Variants in ZFAND3 observed in about 807,000 individuals in gnomAD.
ZFAND3 encodes the protein zinc finger AN1-type containing 3, also known as AN1-type zinc finger protein 3.
A neutral mutation model predicts 29.6 loss-of-function variants in ZFAND3; 10 were observed. The ratio of observed to expected loss-of-function variants is 0.34; its 90% CI spans 0.21 to 0.57. The LOEUF (loss-of-function observed/expected upper bound fraction) is 0.57. Ranked by LOEUF, ZFAND3 falls within the 20% of genes least tolerant of loss-of-function variation. The probability of loss-of-function intolerance (pLI) is 0.86; values close to 1 mark genes in which losing one functional copy is unlikely to be tolerated. For missense variants in ZFAND3, 230 were observed against 304.5 expected, an observed-to-expected ratio of 0.76 and a Z score of 1.82; for synonymous variants, 128 against 112.6, an observed-to-expected ratio of 1.14 and a Z score of -0.87.
intron 4 of ZFAND3, among the ~76,000 whole-genome samples, chr6:38,112,701 T>G (rs757331526): frequency 2.0e-5 from 3 of 152,200 alleles, no homozygotes; most frequent in Admixed American, 6.5e-5. Context: ...CTAATTGACA[T>G]AAAACTTACA....
chr6:38,050,999 A>G (rs745444920), intron 2 of ZFAND3, among the ~76,000 whole-genome samples: 1 of 152,142 alleles, frequency 6.6e-6, no homozygotes, highest in Non-Finnish European at 1.5e-5. Context: ...AGAACTGAGT[A>G]GAAATACTCA....
rs1766272818 is a variant in ZFAND3, at chr6:38,153,241, C to T, written c.*852C>T. 2 of 985,372 alleles carry T rather than the reference C, an allele frequency of 2.0e-6. No individual in the cohort carries two copies. The highest frequency in any genetic ancestry group is 9.4e-5 in the South Asian group (2 of 21,296). 61.0% of individuals were successfully genotyped at this position (985,372 alleles called of 1,614,324 possible). A position where few individuals can be genotyped will look rare whatever the true frequency, so the allele number is the denominator to read the frequency against. On this transcript the variant is annotated 3_prime_UTR_variant, in exon 6 of 6. Transcript: ENST00000287218. ...GGTGGCTGGGTCTGCACACTGGCCT[C>T]TGCAGCCAGATTTCTATATTGGGAG... is the stretch of plus-strand genomic sequence containing the variant.
At chr6:38,002,287 T>TTC (rs1762962773) in intron 2 of ZFAND3, among the ~76,000 whole-genome samples, 1 of 146,678 alleles carries the variant, frequency 6.8e-6, no homozygotes, top group South Asian at 2.1e-4. Context: ...TTTCTTTTCT[T>TTC]TTTTTTTTTT....
At chr6:37,906,047 TAC>T (rs780625327) in intron 1 of ZFAND3, among the ~76,000 whole-genome samples, 3 of 152,162 alleles carry the variant, frequency 2.0e-5, no homozygotes, top group East Asian at 1.9e-4. Context: ...GTATAATACT[TAC>T]ACAATACACC....
At chr6:37,953,707 C>T (rs1762039635) in intron 2 of ZFAND3, among the ~76,000 whole-genome samples, 2 of 151,982 alleles carry the variant, frequency 1.3e-5, no homozygotes, top group African/African-American at 4.8e-5. Flanking sequence ...CTTCCTTGAC[C>T]CCACAATGTC....
At position 38,005,837 on chromosome 6, in the gene ZFAND3, A is replaced by G. The variant is rs16890309; in HGVS notation, c.113-55756A>G. Among the ~76,000 whole-genome samples the G allele has an allele frequency of 0.016, 2,419 of 152,326 alleles. 251 individuals are homozygous for G. The East Asian group carries it at 0.28, about 18-fold the overall frequency. On this transcript the variant is annotated intron_variant, in intron 2 of 5. Transcript: ENST00000287218. Reference sequence around the variant, plus strand: ...GTTGACCACTTGAGTGTTGTTATCAATGTACACTAAACTAGATGTACAGTT... The same window carrying G: ...GTTGACCACTTGAGTGTTGTTATCAGTGTACACTAAACTAGATGTACAGTT...
intron 1 of ZFAND3, among the ~76,000 whole-genome samples, chr6:37,829,637 T>C (rs1393819636): frequency 2.0e-5 from 3 of 152,250 alleles, no homozygotes; most frequent in African/African-American, 7.2e-5. Context: ...TTTATTGATT[T>C]GGGAGGACAT....
At chr6:38,007,291 A>G (rs1321475340) in intron 2 of ZFAND3, among the ~76,000 whole-genome samples, 2 of 152,072 alleles carry the variant, frequency 1.3e-5, no homozygotes, top group Non-Finnish European at 2.9e-5. Context: ...GAGGCTGAGG[A>G]TTACATGCCT....
intron 2 of ZFAND3, among the ~76,000 whole-genome samples, 177 bp from the exon 3 acceptor site, chr6:38,061,416 C>T (rs899975436): frequency 3.9e-5 from 6 of 152,158 alleles, no homozygotes; most frequent in Admixed American, 1.3e-4. Context: ...AACTCTAGTA[C>T]CTTCCACTAA....
chr6:38,099,827 C>G lies in ZFAND3; in HGVS notation c.362-16745C>G, dbSNP rs942210919. Among the ~76,000 whole-genome samples, 4 of 152,164 alleles carry G rather than the reference C, an allele frequency of 2.6e-5. 1 individual carries two copies. The highest frequency in any genetic ancestry group is 7.2e-5 in the African/African-American group (3 of 41,440). On this transcript the variant is annotated intron_variant, in intron 4 of 5. Coordinates refer to ENST00000287218, the MANE Select transcript of ZFAND3 (RefSeq NM_021943.3). ...TTTTTCTAGAGGAAGTCAAACAACT[C>G]TCTTCAAAGATAGTGTTATTACATT... is the stretch of plus-strand genomic sequence containing the variant.
rs1042828579 is a variant in ZFAND3, at chr6:37,978,458, A to G, written c.112+48459A>G. Among the ~76,000 whole-genome samples the G allele has an allele frequency of 3.9e-5, 6 of 152,184 alleles. No homozygotes were observed. The East Asian group carries it at 9.6e-4, about 24-fold the overall frequency. On this transcript the variant is annotated intron_variant, in intron 2 of 5. Coordinates refer to ENST00000287218, the MANE Select transcript of ZFAND3 (RefSeq NM_021943.3). Reference sequence around the variant, plus strand: ...TCTGAACTCATAGAATGAGTTGGAAAGTATTCCCTTCCTCTTTAATTTTCT... The same window carrying G: ...TCTGAACTCATAGAATGAGTTGGAAGGTATTCCCTTCCTCTTTAATTTTCT...
intron 2 of ZFAND3, among the ~76,000 whole-genome samples, chr6:37,980,250 G>C (rs1762557235): frequency 6.6e-6 from 1 of 151,690 alleles, no homozygotes; most frequent in Admixed American, 6.6e-5. Context: ...GGCAGGAAGA[G>C]AAATCCAGTC....
intron 4 of ZFAND3, among the ~76,000 whole-genome samples, chr6:38,092,220 G>A (rs1291577728): frequency 1.3e-5 from 2 of 152,176 alleles, no homozygotes; most frequent in East Asian, 3.8e-4. Context: ...TTGCTTATGT[G>A]GATTATAGCA....
At chr6:38,144,231 A>ATTTTTTTTTTT (rs67159019) in intron 5 of ZFAND3, among the ~76,000 whole-genome samples, 2 of 75,282 alleles carry the variant, frequency 2.7e-5, no homozygotes, top group East Asian at 4.2e-4. Flanking sequence ...ATATATATAT[A>ATTTTTTTTTTT]TTTTTTTTTT....
At chr6:38,010,323 C>T (rs937269962) in intron 2 of ZFAND3, among the ~76,000 whole-genome samples, 6 of 152,164 alleles carry the variant, frequency 3.9e-5, no homozygotes, top group Admixed American at 3.9e-4. Context: ...ACCATATAGA[C>T]AGTGGCCTCA....
intron 5 of ZFAND3, among the ~76,000 whole-genome samples, chr6:38,139,813 C>T (rs554441866): frequency 6.6e-6 from 1 of 151,954 alleles, no homozygotes; most frequent in African/African-American, 2.4e-5. Flanking sequence ...TAGGTGGTGG[C>T]TTATGACGCT....
intron 1 of ZFAND3, among the ~76,000 whole-genome samples, chr6:37,874,004 G>A (rs761288301): frequency 1.2e-4 from 19 of 152,268 alleles, no homozygotes; most frequent in Non-Finnish European, 2.5e-4. Context: ...GTAACAAAGT[G>A]TTGCAAACTA....
At chr6:37,921,311 G>T (rs1166597602) in intron 1 of ZFAND3, among the ~76,000 whole-genome samples, 1 of 151,988 alleles carries the variant, frequency 6.6e-6, no homozygotes, top group African/African-American at 2.4e-5. Context: ...TACATGTCTA[G>T]TGTAGAGAAG....
intron 3 of ZFAND3, among the ~76,000 whole-genome samples, chr6:38,073,473 A>T (rs1764495512): frequency 6.6e-6 from 1 of 152,210 alleles, no homozygotes; most frequent in Non-Finnish European, 1.5e-5. Context: ...TAAGCCTGTA[A>T]ATAGTCAAAA....
Sources: allele counts gnomAD v4.1 joint callset (sites outside exome capture counted in the v4.1 genomes callset), GRCh38; gene constraint gnomAD v4.1.1; transcripts MANE v1.5; gene names NCBI Gene and HGNC (gene_info 2026-07-23, HGNC 2026-07-21).